ACOXL: variants seen among roughly 807,000 people sequenced by gnomAD.
ACOXL encodes the protein acyl-CoA oxidase like.
Under a neutral mutation model 71.9 loss-of-function variants are expected in ACOXL, and 70 were observed. That is an observed-to-expected ratio of 0.97 (90% CI 0.80 to 1.19). ACOXL has a LOEUF of 1.19. Ranked by LOEUF, ACOXL falls within the 50% of genes most tolerant of loss-of-function variation. ACOXL has a pLI of 0.00. For synonymous variants in ACOXL, 253 were observed against 281.6 expected, an observed-to-expected ratio of 0.90 and a Z score of 1.02; for missense variants, 703 against 736.3, an observed-to-expected ratio of 0.95 and a Z score of 0.52.
At chr2:110,802,670 T>TA (rs996442867) in intron 8 of ACOXL, among the ~76,000 whole-genome samples, 7 of 150,612 alleles carry the variant, frequency 4.6e-5, no homozygotes, top group Non-Finnish European at 8.9e-5. Flanking sequence ...AAATAAAAGT[T>TA]AAAAAAAAAT....
intron 13 of ACOXL, among the ~76,000 whole-genome samples, chr2:110,989,279 A>G (rs7594735): frequency 0.83 from 126,614 of 152,172 alleles, 53,136 homozygotes; most frequent in Middle Eastern, 0.94. Flanking sequence ...GGTCTCTTTG[A>G]CATTTATTAA....
intron 15 of ACOXL, among the ~76,000 whole-genome samples, chr2:111,043,235 C>T (rs2065867456): frequency 3.3e-5 from 5 of 152,288 alleles, no homozygotes; most frequent in Admixed American, 3.3e-4. Context: ...CGAGGGCCAG[C>T]TCCACACCCC....
intron 10 of ACOXL, among the ~76,000 whole-genome samples, chr2:110,904,427 G>C (rs1558703335): frequency 6.6e-6 from 1 of 152,200 alleles, no homozygotes; most frequent in African/African-American, 2.4e-5. Flanking sequence ...GGAGTTGGCA[G>C]GACATTCATC....
chr2:110,823,763 ATT>A (rs1467143585), intron 9 of ACOXL, among the ~76,000 whole-genome samples: 4 of 152,064 alleles, frequency 2.6e-5, no homozygotes, highest in Admixed American at 6.5e-5. Flanking sequence ...CTGAATATAT[ATT>A]TTTGGCAAGT....
At chr2:111,053,932 A>G (rs759202492) in intron 16 of ACOXL, among the ~76,000 whole-genome samples, 5 of 152,208 alleles carry the variant, frequency 3.3e-5, no homozygotes, top group Non-Finnish European at 7.3e-5. Flanking sequence ...AGGTCAGGAG[A>G]CAAGAGCTAG....
intron 10 of ACOXL, among the ~76,000 whole-genome samples, chr2:110,871,519 A>T (rs1695273442): frequency 6.6e-6 from 1 of 152,066 alleles, no homozygotes; most frequent in Admixed American, 6.6e-5. Flanking sequence ...TTCATTCATC[A>T]CATCCTTGCC....
chr2:111,027,829 G>A (rs1413278060), intron 14 of ACOXL, among the ~76,000 whole-genome samples: 1 of 152,092 alleles, frequency 6.6e-6, no homozygotes, highest in Admixed American at 6.5e-5. Flanking sequence ...TTAAGATGGA[G>A]TTGATTTTAA....
rs927182380 is a variant in ACOXL at position 110,864,417 on chromosome 2, G to A, written c.788+23012G>A. Among the ~76,000 whole-genome samples the A allele has an allele frequency of 7.2e-5, 11 of 152,138 alleles. No individual in the cohort carries two copies. The South Asian group carries it at 1.0e-3, about 14-fold the overall frequency. On this transcript the variant is annotated intron_variant, in intron 10 of 17. Transcript: ENST00000439055. Reference sequence around the variant, plus strand: ...GGCTTCACCAAGCCCACAGAAACCCGAAGCCATTTGTTTCTCTACAACCAG... The same window carrying A: ...GGCTTCACCAAGCCCACAGAAACCCAAAGCCATTTGTTTCTCTACAACCAG...
intron 16 of ACOXL, among the ~76,000 whole-genome samples, chr2:111,087,515 C>T (rs1165960568): frequency 6.6e-6 from 1 of 151,952 alleles, no homozygotes; most frequent in Non-Finnish European, 1.5e-5. Context: ...CAATGCAGCA[C>T]ACCATCTGAT....
At chr2:110,738,532 T>C (rs902630129) in intron 1 of ACOXL, among the ~76,000 whole-genome samples, 1 of 152,234 alleles carries the variant, frequency 6.6e-6, no homozygotes, top group African/African-American at 2.4e-5. Context: ...GTGCATGCCA[T>C]AACTTTCCAA....
At chr2:110,930,698 A>G (rs1249530948) in intron 11 of ACOXL, among the ~76,000 whole-genome samples, 1 of 152,126 alleles carries the variant, frequency 6.6e-6, no homozygotes, top group East Asian at 1.9e-4. Flanking sequence ...TAATTGAATC[A>G]TGGGGGCAGT....
rs200397129 is a variant in ACOXL, at chr2:110,886,947, A to G, written c.789-21842A>G. Reference sequence around the variant, plus strand: ...CTGGGTTTTCCCGTGGCAGATCCCTATAGGCTTCTCACTGCACTATCCCAA... The same window carrying G: ...CTGGGTTTTCCCGTGGCAGATCCCTGTAGGCTTCTCACTGCACTATCCCAA... On this transcript the variant is annotated intron_variant, in intron 10 of 17. Transcript: ENST00000439055. The G allele has an allele frequency of 3.5e-5, 50 of 1,426,000 alleles. No homozygotes were observed. In the African/African-American group the frequency reaches 4.1e-4, roughly 12 times the overall value. 88.3% of individuals were successfully genotyped at this position (1,426,000 alleles called of 1,614,324 possible). A position where few individuals can be genotyped will look rare whatever the true frequency, so the allele number is the denominator to read the frequency against.
At chr2:111,043,555 T>C (rs554975893) in intron 15 of ACOXL, among the ~76,000 whole-genome samples, 1 of 152,138 alleles carries the variant, frequency 6.6e-6, no homozygotes, top group South Asian at 2.1e-4. Context: ...TCCCACCTCG[T>C]GGTGCGGTCA....
intron 16 of ACOXL, among the ~76,000 whole-genome samples, chr2:111,049,749 A>G (rs565140238): frequency 9.2e-5 from 14 of 152,266 alleles, no homozygotes; most frequent in African/African-American, 2.6e-4. Flanking sequence ...TGAGCATCTT[A>G]TGTCATAGAT....
intron 9 of ACOXL, among the ~76,000 whole-genome samples, chr2:110,813,847 A>G (rs1459800985): frequency 2.0e-5 from 3 of 152,164 alleles, no homozygotes; most frequent in Non-Finnish European, 2.9e-5. Flanking sequence ...TGTTTATTTC[A>G]TCACCAGAGC....
intron 14 of ACOXL, among the ~76,000 whole-genome samples, chr2:111,013,543 A>G (rs1268904922): frequency 1.3e-5 from 2 of 149,596 alleles, no homozygotes; most frequent in African/African-American, 5.0e-5. Context: ...AAAAAAAAAA[A>G]AAGAAGTAAA....
chr2:110,784,691 A>G, intron 2 of ACOXL, 41 bp from the exon 3 acceptor site: 1 of 1,472,344 alleles, frequency 6.8e-7, no homozygotes, highest in Non-Finnish European at 9.1e-7. Context: ...AAGTCAGAAA[A>G]CCATAAGGAA....
intron 10 of ACOXL, among the ~76,000 whole-genome samples, chr2:110,884,702 A>T (rs1697079042): frequency 6.6e-6 from 1 of 152,152 alleles, no homozygotes; most frequent in Non-Finnish European, 1.5e-5. Context: ...AAAATTCCTG[A>T]AGTCTAAATC....
At position 110,914,974 on chromosome 2, in the gene ACOXL, C is replaced by G. The variant is rs189040953; in HGVS notation, c.905+6069C>G. 4.0e-3 allele frequency among the ~76,000 whole-genome samples: 614 copies of G among 152,316 alleles called. 2 individuals carry two copies. Among genetic ancestry groups the G allele is most frequent in the African/African-American group, 0.014 (599 of 41,566 alleles). On this transcript the variant is annotated intron_variant, in intron 11 of 17. Transcript: ENST00000439055. ...ATAGAGAATAGAGTATCCATCCCCT[C>G]AAGCATTTATCCTTTGTGTTACAAA...
Sources: gnomAD v4.1 joint callset for allele counts (sites outside exome capture counted in the v4.1 genomes callset) on GRCh38, gnomAD v4.1.1 for gene constraint, MANE v1.5 for transcripts, NCBI Gene and HGNC (gene_info 2026-07-23, HGNC 2026-07-21) for gene names.